The following POTEE variants were observed in gnomAD, a reference collection of about 807,000 sequenced individuals.
POTEE encodes the protein POTE ankyrin domain family member E.
Under a neutral mutation model 74.2 loss-of-function variants are expected in POTEE, and 21 were observed. The observed-to-expected ratio is 0.28, with a 90% CI of 0.20 to 0.41. The LOEUF (loss-of-function observed/expected upper bound fraction) is 0.41, where lower values mean the gene tolerates loss of function less well. Ranked by LOEUF, POTEE falls within the 10% of genes least tolerant of loss-of-function variation. The pLI is 1.00. For synonymous variants in POTEE, 211 were observed against 432.8 expected (o/e 0.49, Z 6.36); for missense variants, 525 against 1,158.6 (o/e 0.45, Z 7.94).
intron 2 of POTEE, among the ~76,000 whole-genome samples, chr2:131,216,592 A>G (rs1381177232): frequency 6.6e-6 from 1 of 151,622 alleles, no homozygotes; most frequent in Non-Finnish European, 1.5e-5. Context: ...ACCAAAAATA[A>G]ATTAAAACAA....
intron 7 of POTEE, among the ~76,000 whole-genome samples, 175 bp from the exon 8 acceptor site, chr2:131,228,069 T>G (rs1179315909): frequency 6.6e-6 from 1 of 151,350 alleles, no homozygotes. Context: ...GGTCCCTTCC[T>G]TTTAACCTTG....
chr2:131,260,285 CTG>C (rs1573740759), intron 16 of POTEE, among the ~76,000 whole-genome samples: 1 of 149,540 alleles, frequency 6.7e-6, no homozygotes, highest in Non-Finnish European at 1.5e-5. Flanking sequence ...CTTGATATGT[CTG>C]TTGCTGTTCA....
intron 2 of POTEE, among the ~76,000 whole-genome samples, chr2:131,215,138 G>C (rs1257765364): frequency 1.3e-5 from 2 of 150,896 alleles, no homozygotes; most frequent in African/African-American, 4.9e-5. Flanking sequence ...GCAAATGTAG[G>C]GAATGACATT....
chr2:131,224,731 T>G (rs1474497580), intron 6 of POTEE, among the ~76,000 whole-genome samples: 3 of 151,074 alleles, frequency 2.0e-5, no homozygotes, highest in South Asian at 2.1e-4. Flanking sequence ...TAGTGGGTTG[T>G]AAACTACCTA....
At chr2:131,220,915 C>G (rs1412333088) in intron 4 of POTEE, among the ~76,000 whole-genome samples, 2 of 146,252 alleles carry the variant, frequency 1.4e-5, no homozygotes, top group Non-Finnish European at 3.0e-5. Context: ...GAGCCGAGAT[C>G]GCGCCACTAC....
intron 16 of POTEE, among the ~76,000 whole-genome samples, chr2:131,256,806 G>GA (rs1161486458): frequency 5.8e-4 from 86 of 149,398 alleles, no homozygotes; most frequent in African/African-American, 1.5e-3. Flanking sequence ...TGAAGAAAAT[G>GA]AAAAAAAAGA....
In POTEE at chr2:131,212,570, C is replaced by CT. The variant is rs70994744; in HGVS notation, c.-189+1398dup. On this transcript the variant is annotated intron_variant, in intron 2 of 17. Transcript: ENST00000683005. Reference sequence around the variant, plus strand: ...TGCCACCATTTCCTTTGTTTTCTTTCTTTTTTTTTTTGAGATGGAGTTTTG... The same window carrying CT: ...TGCCACCATTTCCTTTGTTTTCTTTCTTTTTTTTTTTTGAGATGGAGTTTTG... 1.9e-3 allele frequency among the ~76,000 whole-genome samples: 50 copies of CT among 26,766 alleles called. 15 individuals are homozygous for CT. Among genetic ancestry groups the CT allele is most frequent in the Admixed American group, 7.3e-3 (14 of 1,906 alleles). The allele number at this position is 26,766 out of a possible 152,430, so 17.6% of individuals were successfully genotyped here.
rs1483858967 is a variant in POTEE at position 131,209,638 on chromosome 2, G to A, written c.-526G>A. On this transcript the variant is annotated 5_prime_UTR_variant, in exon 1 of 18. Transcript: ENST00000683005. ...CTCACTGCAGTTGGTGGTGTCCACA[G>A]AGCGGTAGGAGGGCAACTAGTAGCG... 1.8e-5 allele frequency among the ~76,000 whole-genome samples: 1 copy of A among 56,236 alleles called. No individual in the cohort carries two copies. The highest frequency in any genetic ancestry group is 4.3e-5 in the Non-Finnish European group (1 of 23,506). 36.9% of individuals were successfully genotyped at this position (56,236 alleles called of 152,430 possible).
intron 8 of POTEE, among the ~76,000 whole-genome samples, chr2:131,228,854 A>AAAG (rs1336161875): frequency 1.4e-5 from 2 of 145,348 alleles, no homozygotes; most frequent in Non-Finnish European, 2.9e-5. Context: ...GGAGGAAAAA[A>AAAG]GACATTGCAA....
intron 9 of POTEE, among the ~76,000 whole-genome samples, chr2:131,232,155 TATC>T (rs1326968196): frequency 7.4e-6 from 1 of 135,552 alleles, no homozygotes; most frequent in South Asian, 2.7e-4. Flanking sequence ...AGCTTTTTGT[TATC>T]ATTGTCATTT....
chr2:131,232,119 CACAA>C, intron 9 of POTEE, among the ~76,000 whole-genome samples: 1 of 144,866 alleles, frequency 6.9e-6, no homozygotes. Flanking sequence ...TGCTATAGAC[CACAA>C]ACAATTAAAA....
intron 10 of POTEE, among the ~76,000 whole-genome samples, chr2:131,237,123 G>T (rs2105103198): frequency 6.6e-6 from 1 of 151,636 alleles, no homozygotes; most frequent in Admixed American, 6.6e-5. Flanking sequence ...TTTCCTTTTG[G>T]AATAGAGGCA....
rs572086308 is a variant in POTEE at position 131,221,504 on chromosome 2, T to A, written c.522-2092T>A. 2.1e-4 allele frequency among the ~76,000 whole-genome samples: 32 copies of A among 152,238 alleles called. No homozygotes were observed. In the South Asian group the frequency reaches 6.7e-3, roughly 32 times the overall value. ...ATTTCTGCAATGAACATCTGAAGTT[T>A]TAGTTAAAGTTCATTAGTAATGCAA... On this transcript the variant is annotated intron_variant, in intron 4 of 17. Transcript: ENST00000683005.
chr2:131,212,022 TTGC>T (rs1193382791), intron 2 of POTEE, among the ~76,000 whole-genome samples: 13 of 152,054 alleles, frequency 8.5e-5, no homozygotes, highest in African/African-American at 2.9e-4. Context: ...TCATTTTCTT[TTGC>T]TGCTGCTTCT....
At chr2:131,210,525 C>T (rs1439692595) in intron 1 of POTEE, among the ~76,000 whole-genome samples, 2 of 151,934 alleles carry the variant, frequency 1.3e-5, no homozygotes, top group Non-Finnish European at 2.9e-5. Context: ...CTTCGGGTAA[C>T]TCTTCTCTTT....
At chr2:131,215,351 C>T (rs996752529) in intron 2 of POTEE, among the ~76,000 whole-genome samples, 4 of 152,114 alleles carry the variant, frequency 2.6e-5, no homozygotes, top group African/African-American at 9.7e-5. Flanking sequence ...TTTTTATACA[C>T]TACATCATAT....
chr2:131,235,224 A>C (rs1573720100), intron 9 of POTEE, among the ~76,000 whole-genome samples: 1 of 150,008 alleles, frequency 6.7e-6, no homozygotes, highest in East Asian at 2.0e-4. Flanking sequence ...GACATGCTTT[A>C]TTTTAATTGT....
chr2:131,210,463 T>G (rs1393859654), intron 1 of POTEE, among the ~76,000 whole-genome samples: 1 of 151,234 alleles, frequency 6.6e-6, no homozygotes, highest in Non-Finnish European at 1.5e-5. Flanking sequence ...GCCAGTGGTG[T>G]TGGTCGGCTG....
chr2:131,223,598 C>T lies in POTEE; in HGVS notation c.524C>T (p.Thr175Ile), dbSNP rs1264090623. ...AAAAAGTCTTGTCACTCTCATAGGACTGCTCTACATCTGGCCTCTGCCAAT... is the reference window on the plus strand; with the variant it reads ...AAAAAGTCTTGTCACTCTCATAGGATTGCTCTACATCTGGCCTCTGCCAAT... ...DVNKKDKQKRTALHLASANGN... is the reference protein window; with the variant it reads ...DVNKKDKQKRIALHLASANGN... Residue 175 changes from threonine to isoleucine, a missense_variant and splice_region_variant, in exon 5 of 18, where the codon ACT (threonine) becomes ATT (isoleucine). Transcript: ENST00000683005. The T allele has an allele frequency of 6.2e-7, 1 of 1,612,312 alleles. No individual in the cohort carries two copies. The highest frequency in any genetic ancestry group is 8.5e-7 in the Non-Finnish European group (1 of 1,179,848).
Sources: gnomAD v4.1 joint callset for allele counts (sites outside exome capture counted in the v4.1 genomes callset) on GRCh38, gnomAD v4.1.1 for gene constraint, MANE v1.5 for transcripts, NCBI Gene and HGNC (gene_info 2026-07-23, HGNC 2026-07-21) for gene names.